Variants in LCOR observed in about 807,000 individuals in gnomAD.
LCOR encodes ligand dependent nuclear receptor corepressor.
In LCOR, 14 loss-of-function variants were observed where a neutral mutation model predicts 64.4. The ratio of observed to expected loss-of-function variants is 0.22; its 90% CI spans 0.14 to 0.34. LCOR has a LOEUF of 0.34. Ranked by LOEUF, LCOR falls within the 10% of genes least tolerant of loss-of-function variation. The pLI is 1.00. For missense variants in LCOR, 1,686 were observed against 1,765.3 expected, an observed-to-expected ratio of 0.96 and a Z score of 0.80; for synonymous variants, 643 against 642.5, an observed-to-expected ratio of 1.00 and a Z score of -0.01.
At chr10:96,838,025 A>C (rs1246290190) in intron 2 of LCOR, among the ~76,000 whole-genome samples, 1 of 152,170 alleles carries the variant, frequency 6.6e-6, no homozygotes, top group South Asian at 2.1e-4. Flanking sequence ...TTTCTAGTCT[A>C]TCTGTGTTTA....
In LCOR at chr10:96,892,925, G is replaced by A. The variant is rs117730143; in HGVS notation, c.-329-14340G>A. 6.2e-3 allele frequency among the ~76,000 whole-genome samples: 943 copies of A among 152,224 alleles called. 5 individuals are homozygous for A. Among genetic ancestry groups the A allele is most frequent in the Middle Eastern group, 0.017 (5 of 294 alleles). ...ATTGGAGGCTTTACTCCATTTACAT[G>A]TAATATAATTGCTGATAAGGAGGAA... On this transcript the variant is annotated intron_variant, in intron 2 of 7. Transcript: ENST00000421806.
Position 96,982,178 on chromosome 10 carries a change from C to T in LCOR, c.1718C>T (p.Thr573Ile). ...DNPEEPSKEI[T>I]SHEEGGGDVS... ...CCTGAAGAACCTAGCAAGGAAATCA[C>T]CTCTCACGAGGAAGGAGGTGGAGAC... Residue 573 changes from threonine to isoleucine, a missense_variant, in exon 8 of 8, where the codon ACC (threonine) becomes ATC (isoleucine). Physicochemically the swap from Thr to Ile is moderately conservative, Grantham distance 89. Transcript: ENST00000421806. 1 of 1,614,172 alleles carries T rather than the reference C, an allele frequency of 6.2e-7. No homozygotes were observed. The highest frequency in any genetic ancestry group is 8.5e-7 in the Non-Finnish European group (1 of 1,180,016).
chr10:96,911,247 AC>A (rs1846829209), intron 4 of LCOR, among the ~76,000 whole-genome samples: 1 of 151,790 alleles, frequency 6.6e-6, no homozygotes, highest in Non-Finnish European at 1.5e-5. Flanking sequence ...ACAGGCGTGC[AC>A]CAACACGCCC....
chr10:96,955,668 A>C (rs770554775), intron 7 of LCOR: 4 of 1,614,162 alleles, frequency 2.5e-6, no homozygotes, highest in Non-Finnish European at 3.4e-6. Flanking sequence ...CAGACAGTAC[A>C]ACAGTGAGAT....
In LCOR at chr10:96,933,545, G is replaced by A. The variant is rs182836582; in HGVS notation, c.-183-10568G>A. Reference sequence around the variant, plus strand: ...AGATGGAAAGACTCTTTTTGAGATGGAGTCTCGCTCTGTTGCCCAGGCTGG... The same window carrying A: ...AGATGGAAAGACTCTTTTTGAGATGAAGTCTCGCTCTGTTGCCCAGGCTGG... On this transcript the variant is annotated intron_variant, in intron 4 of 7. Transcript: ENST00000421806. Among the ~76,000 whole-genome samples the A allele has an allele frequency of 3.9e-3, 587 of 152,252 alleles. 1 individual carries two copies. The highest frequency in any genetic ancestry group is 6.2e-3 in the Non-Finnish European group (421 of 68,022).
intron 2 of LCOR, among the ~76,000 whole-genome samples, chr10:96,859,855 C>T (rs1263216214): frequency 3.9e-5 from 6 of 152,256 alleles, no homozygotes; most frequent in Non-Finnish European, 7.4e-5. Flanking sequence ...GGCACCTGGC[C>T]TGATGTGTCT....
chr10:96,972,345 T>C (rs1848006308), intron 7 of LCOR, among the ~76,000 whole-genome samples: 1 of 152,080 alleles, frequency 6.6e-6, no homozygotes, highest in Admixed American at 6.5e-5. Context: ...TTACCAAGGA[T>C]GATGAAGTTA....
At chr10:96,968,457 G>A (rs1251187517) in intron 7 of LCOR, among the ~76,000 whole-genome samples, 1 of 152,138 alleles carries the variant, frequency 6.6e-6, no homozygotes, top group African/African-American at 2.4e-5. Context: ...CTGCTTTTTA[G>A]GAAGAGAATG....
chr10:96,907,448 T>C (rs1846748539), intron 3 of LCOR, 118 bp downstream of exon 3: 1 of 230,536 alleles, frequency 4.3e-6, no homozygotes, highest in South Asian at 1.6e-4. Context: ...GCTATATTCA[T>C]GTAAGCATCT....
At chr10:96,951,325 C>G (rs1028877510) in intron 6 of LCOR, among the ~76,000 whole-genome samples, 1 of 152,236 alleles carries the variant, frequency 6.6e-6, no homozygotes, top group South Asian at 2.1e-4. Context: ...GGTTGTACTT[C>G]CAGGCTCTCA....
intron 4 of LCOR, among the ~76,000 whole-genome samples, chr10:96,927,891 C>T (rs1462537788): frequency 6.6e-6 from 1 of 152,102 alleles, no homozygotes; most frequent in Non-Finnish European, 1.5e-5. Flanking sequence ...TTTGGTTTCC[C>T]AGTGCATATA....
rs1024109809 is a variant in LCOR, at chr10:96,994,565, G to A, written c.*9431G>A. On this transcript the variant is annotated 3_prime_UTR_variant, in exon 8 of 8. Transcript: ENST00000421806. ...TTTTTCACTAGTGTATTTTTAGACT[G>A]AAGTGGGTGCATTAGGATAAAACTT... 7.2e-5 allele frequency: 11 copies of A among 152,302 alleles called. No individual in the cohort carries two copies. Among genetic ancestry groups the A allele is most frequent in the Non-Finnish European group, 7.4e-5 (5 of 68,018 alleles). The allele number at this position is 152,302 out of a possible 1,614,324, so 9.4% of individuals were successfully genotyped here.
chr10:96,872,372 C>T (rs1246679537), intron 2 of LCOR, among the ~76,000 whole-genome samples: 1 of 152,194 alleles, frequency 6.6e-6, no homozygotes, highest in Non-Finnish European at 1.5e-5. Context: ...AGGATTTTAG[C>T]AAGATACAGA....
In LCOR at chr10:96,982,033, T is replaced by C; in HGVS notation, c.1573T>C (p.Ser525Pro). 6.2e-7 allele frequency: 1 copy of C among 1,613,988 alleles called. No homozygotes were observed. The highest frequency in any genetic ancestry group is 8.5e-7 in the Non-Finnish European group (1 of 1,180,006). The change falls in exon 8 of 8, where the codon TCC (serine) becomes CCC (proline). Residue 525 changes from serine (S) to proline (P), a missense_variant. Physicochemically the swap from Ser to Pro is moderately conservative, Grantham distance 74. Around this residue, in one of 3 missense-constraint regions of LCOR, gnomAD observed 1,293 missense variants for 1,410.4 expected, o/e 0.92. Coordinates refer to ENST00000421806, the MANE Select transcript of LCOR (RefSeq NM_001346516.2). ...TVRTLARNLH[S>P]QEKASCSALA... ...TCGTACACTGGCCAGAAATTTACAC[T>C]CCCAGGAAAAAGCAAGCTGCTCAGC...
rs532483723 is a variant in LCOR at position 96,848,659 on chromosome 10, AAAAAC to A, written c.-330+15193_-330+15197del. Among the ~76,000 whole-genome samples the A allele has an allele frequency of 3.0e-3, 464 of 152,274 alleles. 5 individuals carry two copies. The highest frequency in any genetic ancestry group is 0.01 in the African/African-American group (419 of 41,554). Reference sequence around the variant, plus strand: ...GGCAACAAGAGTGAAACTCCATCTCAAAAACAAAACAAAACAACAAAAAATAAAAA... The same window carrying A: ...GGCAACAAGAGTGAAACTCCATCTCAAAAACAAAACAACAAAAAATAAAAA... On this transcript the variant is annotated intron_variant, in intron 2 of 7. Coordinates refer to ENST00000421806, the MANE Select transcript of LCOR (RefSeq NM_001346516.2).
intron 4 of LCOR, among the ~76,000 whole-genome samples, chr10:96,941,350 G>C (rs1349660918): frequency 7.1e-6 from 1 of 141,490 alleles, no homozygotes; most frequent in Non-Finnish European, 1.6e-5. Context: ...TCACTTCCCA[G>C]TAGGGGCGGC....
At chr10:96,945,497 A>G (rs1847571994) in intron 5 of LCOR, among the ~76,000 whole-genome samples, 1 of 152,142 alleles carries the variant, frequency 6.6e-6, no homozygotes, top group South Asian at 2.1e-4. Flanking sequence ...CCTGACCTAA[A>G]TCTCCCAGCT....
chr10:96,974,621 C>T (rs1848023848), intron 7 of LCOR, among the ~76,000 whole-genome samples: 1 of 152,156 alleles, frequency 6.6e-6, no homozygotes, highest in South Asian at 2.1e-4. Flanking sequence ...AGAAAATTGC[C>T]TCTCTCTGGT....
chr10:96,871,083 A>G (rs1180418799), intron 2 of LCOR, among the ~76,000 whole-genome samples: 2 of 152,128 alleles, frequency 1.3e-5, no homozygotes, highest in Non-Finnish European at 2.9e-5. Flanking sequence ...AAGAGACAGA[A>G]TCTTGCTCTG....
Sources: allele counts gnomAD v4.1 joint callset (sites outside exome capture counted in the v4.1 genomes callset), GRCh38; gene constraint gnomAD v4.1.1; regional missense constraint gnomAD v4.1.1; transcripts MANE v1.5; gene names NCBI Gene and HGNC (gene_info 2026-07-23, HGNC 2026-07-21).